Variants in ADCY1 observed in about 807,000 individuals in gnomAD.
The protein encoded by ADCY1 is adenylate cyclase type 1.
A neutral mutation model predicts 105.4 loss-of-function variants in ADCY1; 28 were observed. That is an observed-to-expected ratio of 0.27 (90% confidence interval 0.20 to 0.36). The LOEUF (loss-of-function observed/expected upper bound fraction) is 0.36, where lower values mean the gene tolerates loss of function less well. ADCY1 is among the 10% of genes least tolerant of loss of function. The pLI, the probability that ADCY1 is intolerant of heterozygous loss-of-function variation, is 1.00. For missense variants in ADCY1, 977 were observed against 1,434.2 expected, an observed-to-expected ratio of 0.68 and a Z score of 5.15; for synonymous variants, 655 against 623.8, an observed-to-expected ratio of 1.05 and a Z score of -0.75.
Position 45,715,052 on chromosome 7 carries a change from T to G in ADCY1, c.*1057T>G, listed in dbSNP as rs1212429756. The G allele has an allele frequency of 6.6e-6, 1 of 152,212 alleles. No homozygotes were observed. Among genetic ancestry groups the G allele is most frequent in the African/African-American group, 2.4e-5 (1 of 41,434 alleles). 9.4% of individuals were successfully genotyped at this position (152,212 alleles called of 1,614,324 possible). A position where few individuals can be genotyped will look rare whatever the true frequency, so the allele number is the denominator to read the frequency against. ...TTCAGAATTGGCTGATGGTCGTGAG[T>G]GCAGGTGTCCCTGTTGTAATTTGCA... is the stretch of plus-strand genomic sequence containing the variant. On this transcript the variant is annotated 3_prime_UTR_variant, in exon 20 of 20. Transcript: ENST00000297323.
chr7:45,686,268 T>G lies in ADCY1; in HGVS notation c.2327+53T>G, dbSNP rs562206881. On this transcript the variant is annotated intron_variant, in intron 13 of 19. Coordinates refer to ENST00000297323, the MANE Select transcript of ADCY1 (RefSeq NM_021116.4). The surrounding 1 kb of genome is among the most constrained non-coding windows in gnomAD (Gnocchi z 4.3). ...GCCTAAGCAGCGGTGCTACTGAATC[T>G]GTGTATACAGATATGCACTACAGGC... is the stretch of plus-strand genomic sequence containing the variant. 3.1e-4 allele frequency: 493 copies of G among 1,584,080 alleles called. No individual in the cohort carries two copies. Among genetic ancestry groups the G allele is most frequent in the Admixed American group, 1.1e-3 (67 of 58,304 alleles).
At chr7:45,615,914 G>A (rs1045737674) in intron 3 of ADCY1, among the ~76,000 whole-genome samples, 6 of 152,032 alleles carry the variant, frequency 3.9e-5, no homozygotes, top group African/African-American at 1.4e-4. Context: ...ACCAAGAGTT[G>A]CTTTGTGAAA....
chr7:45,710,236 T>C lies in ADCY1; in HGVS notation c.2933-292T>C, dbSNP rs188489183. On this transcript the variant is annotated intron_variant, in intron 18 of 19. Coordinates refer to ENST00000297323, the MANE Select transcript of ADCY1 (RefSeq NM_021116.4). The surrounding 1 kb of genome is among the most constrained non-coding windows in gnomAD (Gnocchi z 4.7). ...AGGCTGCTATTCCAGGAAAGGGGAC[T>C]TTTATTTAGGATCAGGACTCGTTTT... 6.6e-6 allele frequency among the ~76,000 whole-genome samples: 1 copy of C among 152,314 alleles called. No homozygotes were observed. Among genetic ancestry groups the C allele is most frequent in the Admixed American group, 6.5e-5 (1 of 15,304 alleles).
rs1178227997 is a variant in ADCY1 at position 45,718,584 on chromosome 7, T to C, written c.*4589T>C. ...AGTGCACAAATCATTCCATGCTCTT[T>C]GGCACCAGGCAGGAGATGCTGCAGG... On this transcript the variant is annotated 3_prime_UTR_variant, in exon 20 of 20. Transcript: ENST00000297323. The C allele has an allele frequency of 1.3e-5, 2 of 152,314 alleles. No homozygotes were observed. The highest frequency in any genetic ancestry group is 4.8e-5 in the African/African-American group (2 of 41,460). 9.4% of individuals were successfully genotyped at this position (152,314 alleles called of 1,614,324 possible).
intron 11 of ADCY1, 152 bp downstream of exon 11, chr7:45,679,945 C>A (rs897949708): frequency 1.2e-6 from 1 of 837,460 alleles, no homozygotes; most frequent in African/African-American, 1.7e-5. Context: ...TGTGGGTGGC[C>A]TGTGTCCTGT....
chr7:45,589,640 G>A (rs1047343593), intron 1 of ADCY1, among the ~76,000 whole-genome samples: 2 of 152,152 alleles, frequency 1.3e-5, no homozygotes, highest in African/African-American at 4.8e-5. Context: ...TGGTGGTTGA[G>A]GATGCTCATC....
intron 2 of ADCY1, among the ~76,000 whole-genome samples, chr7:45,593,787 C>T (rs1290220733): frequency 1.3e-5 from 2 of 152,238 alleles, no homozygotes; most frequent in Non-Finnish European, 2.9e-5. Flanking sequence ...CTCACAAACA[C>T]ATTTCATGTG....
rs751188178 is a variant in ADCY1, at chr7:45,647,412, C to T, written c.1021-1258C>T. Among the ~76,000 whole-genome samples, 7 of 152,180 alleles carry T rather than the reference C, an allele frequency of 4.6e-5. No homozygotes were observed. The highest frequency in any genetic ancestry group is 7.3e-5 in the Non-Finnish European group (5 of 68,034). On this transcript the variant is annotated intron_variant, in intron 4 of 19. Coordinates refer to ENST00000297323, the MANE Select transcript of ADCY1 (RefSeq NM_021116.4). This position sits in a 1 kb window ranked among gnomAD's most constrained non-coding sequence, Gnocchi z 4.6. ...AATGCACTTGTGTTAACTCAGCATT[C>T]GACAGGACCTGCAGGGCCCCAGTCA...
chr7:45,691,984 G>A (rs566786507), intron 14 of ADCY1, among the ~76,000 whole-genome samples: 37 of 152,338 alleles, frequency 2.4e-4, no homozygotes, highest in Middle Eastern at 3.4e-3. Flanking sequence ...TTGTACGCTT[G>A]TTAGTCGTCA....
At position 45,703,586 on chromosome 7, in the gene ADCY1, C is replaced by T. The variant is rs761433831; in HGVS notation, c.2572-14C>T. 3 of 1,611,380 alleles carry T rather than the reference C, an allele frequency of 1.9e-6. No individual in the cohort carries two copies. The highest frequency in any genetic ancestry group is 1.3e-5 in the African/African-American group (1 of 75,002). On this transcript the variant is annotated splice_polypyrimidine_tract_variant and intron_variant, in intron 15 of 19. Transcript: ENST00000297323. This position sits in a 1 kb window ranked among gnomAD's most constrained non-coding sequence, Gnocchi z 5.9. ...CCTGGCTGACCCTTCCTGACCCATC[C>T]TTTGAACTTCCAGGACCTCTACTAC...
chr7:45,610,418 A>G lies in ADCY1; in HGVS notation c.829A>G (p.Met277Val), dbSNP rs770073720. The part of the protein sequence containing the change: ...LMSLLPRNVA[M>V]EMKEDFLKPP... ...GAGCCTCCTGCCCCGGAACGTTGCC[A>G]TGGAGATGAAGGAGGACTTCCTGAA... The change falls in exon 3 of 20, where the codon ATG becomes GTG. Residue 277 changes from methionine to valine, a missense_variant. Transcript: ENST00000297323. 1.2e-6 allele frequency: 2 copies of G among 1,613,892 alleles called. No homozygotes were observed. The highest frequency in any genetic ancestry group is 1.7e-6 in the Non-Finnish European group (2 of 1,179,954).
chr7:45,663,932 G>A (rs1795199166), intron 8 of ADCY1, among the ~76,000 whole-genome samples: 1 of 152,180 alleles, frequency 6.6e-6, no homozygotes, highest in Non-Finnish European at 1.5e-5. Flanking sequence ...GAATGGAGTC[G>A]TGCTGTTGCG....
chr7:45,579,955 C>T (rs996219032), intron 1 of ADCY1, among the ~76,000 whole-genome samples: 2 of 143,210 alleles, frequency 1.4e-5, no homozygotes, highest in South Asian at 2.4e-4. Context: ...TCCCCCCCTT[C>T]CCCCTTCCCC....
rs1232696669 is a variant in ADCY1 at position 45,660,066 on chromosome 7, C to G, written c.1332C>G (p.Thr444=). 11 of 1,614,194 alleles carry G rather than the reference C, an allele frequency of 6.8e-6. No homozygotes were observed. The highest frequency in any genetic ancestry group is 9.3e-6 in the Non-Finnish European group (11 of 1,180,022). The change falls in exon 7 of 20, where the codon ACC becomes ACG. Residue 444 remains threonine (T), a synonymous_variant. Coordinates refer to ENST00000297323, the MANE Select transcript of ADCY1 (RefSeq NM_021116.4). ...GGAAGGTTCATATCACAAAGACGAC[C>G]CTAGCGTGCTTGAATGGGGACTACG... ...LPGKVHITKT[T]LACLNGDYEV...
chr7:45,676,249 A>C (rs1368774314), intron 8 of ADCY1, among the ~76,000 whole-genome samples: 1 of 151,826 alleles, frequency 6.6e-6, no homozygotes, highest in African/African-American at 2.4e-5. Context: ...TTTTTCTGAG[A>C]CTTGCTATAA....
intron 1 of ADCY1, among the ~76,000 whole-genome samples, chr7:45,577,858 C>T (rs1222246024): frequency 6.6e-6 from 1 of 152,236 alleles, no homozygotes; most frequent in African/African-American, 2.4e-5. Flanking sequence ...CCACCCCTTT[C>T]TCTGAGACCC....
chr7:45,664,706 A>C, intron 8 of ADCY1: 1 of 228,050 alleles, frequency 4.4e-6, no homozygotes, highest in Non-Finnish European at 8.6e-6. Context: ...TTTTTTTTTA[A>C]TTGCCAATAT....
intron 8 of ADCY1, among the ~76,000 whole-genome samples, chr7:45,665,953 A>G (rs1046437798): frequency 6.6e-6 from 1 of 152,214 alleles, no homozygotes; most frequent in African/African-American, 2.4e-5. Flanking sequence ...TTGCTGGGTT[A>G]AATGGTGTGT....
intron 14 of ADCY1, among the ~76,000 whole-genome samples, chr7:45,691,922 GAGTTT>G (rs1359414555): frequency 1.1e-4 from 17 of 152,178 alleles, no homozygotes; most frequent in African/African-American, 4.1e-4. Flanking sequence ...GGTTGTGGAG[GAGTTT>G]ATGTCATATA....
Sources: gnomAD v4.1 joint callset for allele counts (sites outside exome capture counted in the v4.1 genomes callset) on GRCh38, gnomAD v4.1.1 for gene constraint, Gnocchi (gnomAD v3.1) non-coding constraint, MANE v1.5 for transcripts, NCBI Gene and HGNC (gene_info 2026-07-23, HGNC 2026-07-21) for gene names.